PCDH15: variants seen among roughly 807,000 people sequenced by gnomAD.
PCDH15 encodes protocadherin-15.
PCDH15 carries 129 observed loss-of-function variants against 178.5 expected under a neutral mutation model. The observed-to-expected ratio is 0.72, with a 90% CI of 0.63 to 0.84. PCDH15 has a LOEUF of 0.84. Ranked by LOEUF, PCDH15 falls within the 40% of genes least tolerant of loss-of-function variation. PCDH15 has a pLI of 0.00. For missense variants in PCDH15, 2,230 were observed against 2,099.9 expected (o/e 1.06, Z -1.21); for synonymous variants, 800 against 732.0 (o/e 1.09, Z -1.50).
intron 2 of PCDH15, among the ~76,000 whole-genome samples, chr10:55,385,742 G>T (rs571923294): frequency 1.0e-4 from 13 of 126,236 alleles, no homozygotes; most frequent in Non-Finnish European, 1.4e-4. Context: ...CACGTATATA[G>T]ATATGCATAT....
intron 8 of PCDH15, among the ~76,000 whole-genome samples, chr10:54,277,166 A>G (rs1275234064): frequency 6.6e-6 from 1 of 151,642 alleles, no homozygotes; most frequent in Non-Finnish European, 1.5e-5. Context: ...GATTTAAGTT[A>G]AATAACCTTC....
chr10:54,782,456 T>G (rs1418214039), intron 1 of PCDH15, among the ~76,000 whole-genome samples: 5 of 152,240 alleles, frequency 3.3e-5, no homozygotes, highest in African/African-American at 1.2e-4. Flanking sequence ...ATTGCTCCAA[T>G]TTTATGTGTC....
At chr10:54,202,792 A>G (rs991175578) in intron 10 of PCDH15, among the ~76,000 whole-genome samples, 1 of 143,776 alleles carries the variant, frequency 7.0e-6, no homozygotes, top group African/African-American at 2.6e-5. Flanking sequence ...AGCCTGAGCA[A>G]CAAGAGCGAA....
At chr10:55,500,459 T>C (rs1840632281) in intron 2 of PCDH15, among the ~76,000 whole-genome samples, 1 of 151,836 alleles carries the variant, frequency 6.6e-6, no homozygotes. Context: ...TATTGAGTGT[T>C]GAAGTAATTA....
intron 3 of PCDH15, among the ~76,000 whole-genome samples, chr10:54,491,860 C>A (rs970344619): frequency 4.5e-4 from 68 of 152,220 alleles, no homozygotes; most frequent in Middle Eastern, 3.4e-3. Flanking sequence ...GATTCATCTG[C>A]ATAATGAAGA....
intron 8 of PCDH15, among the ~76,000 whole-genome samples, chr10:54,292,713 C>G (rs1249158994): frequency 3.3e-5 from 5 of 152,126 alleles, no homozygotes; most frequent in Non-Finnish European, 7.3e-5. Context: ...AACTCCCATT[C>G]ACAATTGCTA....
At chr10:55,158,060 A>ATGTGTG (rs769091362) in intron 2 of PCDH15, among the ~76,000 whole-genome samples, 131 of 132,496 alleles carry the variant, frequency 9.9e-4, no homozygotes, top group East Asian at 3.8e-3. Flanking sequence ...AATCACACAA[A>ATGTGTG]TATGTGTGTA....
intron 2 of PCDH15, among the ~76,000 whole-genome samples, chr10:54,903,519 G>T (rs1217529324): frequency 2.0e-5 from 3 of 150,688 alleles, no homozygotes; most frequent in Non-Finnish European, 4.4e-5. Flanking sequence ...AAAACAAAAT[G>T]AAATCTGAAA....
At chr10:55,132,750 T>C (rs1467902535) in intron 2 of PCDH15, among the ~76,000 whole-genome samples, 1 of 152,196 alleles carries the variant, frequency 6.6e-6, no homozygotes, top group African/African-American at 2.4e-5. Flanking sequence ...TAGAGTATTG[T>C]ACTTTACTCA....
intron 20 of PCDH15, among the ~76,000 whole-genome samples, chr10:54,019,781 C>T (rs1276261020): frequency 6.6e-6 from 1 of 151,932 alleles, no homozygotes; most frequent in Non-Finnish European, 1.5e-5. Flanking sequence ...GGTTTGGGCC[C>T]TAAATTAATT....
At chr10:54,798,077 G>C (rs1952235127) in intron 1 of PCDH15, among the ~76,000 whole-genome samples, 1 of 151,834 alleles carries the variant, frequency 6.6e-6, no homozygotes, top group Non-Finnish European at 1.5e-5. Flanking sequence ...AGTGCTTCCA[G>C]TATTCAATTT....
chr10:55,590,349 T>G (rs1842819908), intron 2 of PCDH15, among the ~76,000 whole-genome samples: 1 of 147,254 alleles, frequency 6.8e-6, no homozygotes, highest in Non-Finnish European at 1.5e-5. Flanking sequence ...CATTAGGAGA[T>G]ATACCTAATG....
At chr10:55,329,837 T>G (rs2132309110) in intron 2 of PCDH15, among the ~76,000 whole-genome samples, 1 of 151,868 alleles carries the variant, frequency 6.6e-6, no homozygotes, top group Non-Finnish European at 1.5e-5. Context: ...CATATTTTTT[T>G]CCATACAAAG....
At chr10:54,464,770 T>C (rs900364703) in intron 3 of PCDH15, among the ~76,000 whole-genome samples, 1 of 150,488 alleles carries the variant, frequency 6.6e-6, no homozygotes, top group East Asian at 1.9e-4. Flanking sequence ...GTTGAGTATC[T>C]AGCTAGCTAG....
chr10:55,105,288 T>G (rs1842648615), intron 2 of PCDH15, among the ~76,000 whole-genome samples: 1 of 152,174 alleles, frequency 6.6e-6, no homozygotes, highest in South Asian at 2.1e-4. Flanking sequence ...GTGATTCATC[T>G]TTTTACAAAT....
intron 15 of PCDH15, among the ~76,000 whole-genome samples, chr10:54,109,605 A>G (rs918693312): frequency 1.3e-5 from 2 of 152,240 alleles, no homozygotes; most frequent in Non-Finnish European, 2.9e-5. Context: ...CAAACTTTGC[A>G]TGATCTCATT....
Position 54,515,146 on chromosome 10 carries a change from G to T in PCDH15, c.157+12666C>A, listed in dbSNP as rs555957645. ...GTGGGTGCAGGACAGTGGGTGCAGC[G>T]CACCGTGCACCAGCCAAAGCAGGGA... On this transcript the variant is annotated intron_variant, in intron 3 of 37. Transcript: ENST00000644397. Among the ~76,000 whole-genome samples, 4 of 152,308 alleles carry T rather than the reference G, an allele frequency of 2.6e-5. No individual in the cohort carries two copies. In the South Asian group the frequency reaches 8.3e-4, roughly 32 times the overall value.
intron 2 of PCDH15, among the ~76,000 whole-genome samples, chr10:55,159,478 TACACACACACATAC>T (rs1243603783): frequency 6.7e-6 from 1 of 149,184 alleles, no homozygotes; most frequent in Non-Finnish European, 1.5e-5. Context: ...CTATGTTATG[TACACACACACATAC>T]ACACACACAC....
intron 4 of PCDH15, among the ~76,000 whole-genome samples, chr10:54,374,825 A>G (rs1337614019): frequency 6.6e-6 from 1 of 152,118 alleles, no homozygotes; most frequent in African/African-American, 2.4e-5. Flanking sequence ...CTAATTAAAT[A>G]CAAATATCTG....
Sources: allele counts gnomAD v4.1 joint callset (sites outside exome capture counted in the v4.1 genomes callset), GRCh38; gene constraint gnomAD v4.1.1; transcripts MANE v1.5; gene names NCBI Gene and HGNC (gene_info 2026-07-23, HGNC 2026-07-21).